Variants in FAT4 observed in about 807,000 individuals in gnomAD.
The protein encoded by FAT4 is FAT atypical cadherin 4.
FAT4 carries 84 observed loss-of-function variants against 303.9 expected under a neutral mutation model. That is an observed-to-expected ratio of 0.28 (90% CI 0.23 to 0.33). The LOEUF (loss-of-function observed/expected upper bound fraction) is 0.33, where lower values mean the gene tolerates loss of function less well. FAT4 is among the 10% of genes least tolerant of loss of function. The pLI is 1.00. For missense variants in FAT4, 6,005 were observed against 6,146.8 expected, an observed-to-expected ratio of 0.98 and a Z score of 0.77; for synonymous variants, 2,307 against 2,298.8, an observed-to-expected ratio of 1.00 and a Z score of -0.10.
At position 125,490,193 on chromosome 4, in the gene FAT4, C is replaced by T. The variant is rs992451913; in HGVS notation, c.13377C>T (p.His4459=). 1 of 1,614,006 alleles carries T rather than the reference C, an allele frequency of 6.2e-7. No individual in the cohort carries two copies. Among genetic ancestry groups the T allele is most frequent in the Non-Finnish European group, 8.5e-7 (1 of 1,180,044 alleles). The change falls in exon 18 of 18, where the codon CAC becomes CAT. Residue 4459 remains histidine, a synonymous_variant. Coordinates refer to ENST00000394329, the MANE Select transcript of FAT4 (RefSeq NM_001291303.3). Reference sequence around the variant, plus strand: ...TCACCTGTAGCTGCCCAGACTCGCACACGGGAAGGACCTGTGAGATGGTGG... The same window carrying T: ...TCACCTGTAGCTGCCCAGACTCGCATACGGGAAGGACCTGTGAGATGGTGG... The part of the protein sequence containing the change: ...SGFTCSCPDS[H]TGRTCEMVVA...
intron 9 of FAT4, among the ~76,000 whole-genome samples, chr4:125,447,408 A>G (rs1244809326): frequency 1.3e-5 from 2 of 152,116 alleles, no homozygotes; most frequent in Non-Finnish European, 2.9e-5. Flanking sequence ...AAAATATAGG[A>G]TTCATAAATT....
intron 2 of FAT4, among the ~76,000 whole-genome samples, chr4:125,394,772 A>G (rs1734103353): frequency 6.6e-6 from 1 of 152,190 alleles, no homozygotes. Flanking sequence ...AGAATCATCA[A>G]GATAAATAGT....
At chr4:125,489,870 T>TTTTG in intron 17 of FAT4, 31 bp from the exon 18 acceptor site, 2 of 1,185,626 alleles carry the variant, frequency 1.7e-6, no homozygotes, top group East Asian at 2.8e-5. Context: ...TTTTTTTTTG[T>TTTTG]AAAAAGCCTT....
In FAT4 at chr4:125,320,116, A is replaced by C; in HGVS notation, c.3705A>C (p.Ser1235=). 1 of 1,614,020 alleles carries C rather than the reference A, an allele frequency of 6.2e-7. No homozygotes were observed. The highest frequency in any genetic ancestry group is 1.1e-5 in the South Asian group (1 of 91,090). ...CACAAGTGTTAAGAGTATCTGCCTCAGATGTTGATGAAGGTAATAATGGAC... is the reference window on the plus strand; with the variant it reads ...CACAAGTGTTAAGAGTATCTGCCTCCGATGTTGATGAAGGTAATAATGGAC... The part of the protein sequence containing the change: ...NLTQVLRVSA[S]DVDEGNNGLI... The change falls in exon 2 of 18, where the codon TCA becomes TCC. Residue 1235 remains serine, a synonymous_variant. Transcript: ENST00000394329.
chr4:125,420,756 C>T (rs1037434970), intron 7 of FAT4, among the ~76,000 whole-genome samples: 3 of 152,172 alleles, frequency 2.0e-5, no homozygotes, highest in Non-Finnish European at 2.9e-5. Flanking sequence ...GAGCTATATT[C>T]TCATGACTTT....
In FAT4 at chr4:125,491,491, C is replaced by T; in HGVS notation, c.14675C>T (p.Pro4892Leu). 1 of 1,614,142 alleles carries T rather than the reference C, an allele frequency of 6.2e-7. No individual in the cohort carries two copies. The highest frequency in any genetic ancestry group is 8.5e-7 in the Non-Finnish European group (1 of 1,180,024). ...GATAATTATGGAGCCAGACTGAAGC[C>T]TCGAAGGTACCACGGTCGCAGGGCC... The part of the protein sequence containing the change: ...DEDNYGARLK[P>L]RRYHGRRAEG... The change falls in exon 18 of 18, where the codon CCT (proline) becomes CTT (leucine). Residue 4892 changes from proline (P) to leucine (L), a missense_variant. Coordinates refer to ENST00000394329, the MANE Select transcript of FAT4 (RefSeq NM_001291303.3).
intron 14 of FAT4, among the ~76,000 whole-genome samples, chr4:125,478,495 CTGTTAGACCTTA>C (rs1237620355): frequency 1.3e-5 from 2 of 151,898 alleles, no homozygotes; most frequent in African/African-American, 2.4e-5. Flanking sequence ...TCCTCTGTTT[CTGTTAGACCTTA>C]TGTCCAGAAT....
chr4:125,379,619 C>T lies in FAT4; in HGVS notation c.5176-19165C>T, dbSNP rs569902588. Among the ~76,000 whole-genome samples, 8 of 152,002 alleles carry T rather than the reference C, an allele frequency of 5.3e-5. No individual in the cohort carries two copies. In the South Asian group the frequency reaches 1.5e-3, roughly 28 times the overall value. On this transcript the variant is annotated intron_variant, in intron 2 of 17. Transcript: ENST00000394329. ...GGATTACAGGCTCATGCCACCATGT[C>T]CAGCTAATTTTTGTATTTTTAGTGG...
rs1726107648 is a variant in FAT4 at position 125,452,153 on chromosome 4, A to G, written c.11143A>G (p.Ile3715Val). 2 of 1,614,120 alleles carry G rather than the reference A, an allele frequency of 1.2e-6. No individual in the cohort carries two copies. Among genetic ancestry groups the G allele is most frequent in the Non-Finnish European group, 1.7e-6 (2 of 1,180,052 alleles). The change falls in exon 10 of 18, where the codon ATC becomes GTC. Residue 3715 changes from isoleucine to valine, a missense_variant. Physicochemically the swap from Ile to Val is conservative, Grantham distance 29. Transcript: ENST00000394329. The part of the protein sequence containing the change: ...GFSNATVDNS[I>V]LLRLGVPTVK... ...TTCCAATGCCACAGTGGATAACAGC[A>G]TCTTACTTCGTCTCGGCGTACCAAC...
chr4:125,387,560 G>A (rs1733802580), intron 2 of FAT4, among the ~76,000 whole-genome samples: 1 of 152,076 alleles, frequency 6.6e-6, no homozygotes. Context: ...GTTCCTCTTG[G>A]ATCATGTATT....
chr4:125,369,085 T>G (rs1261296501), intron 2 of FAT4, among the ~76,000 whole-genome samples: 1 of 152,212 alleles, frequency 6.6e-6, no homozygotes, highest in African/African-American at 2.4e-5. Context: ...CATCACCTTA[T>G]GTCACACAAA....
At chr4:125,409,998 A>T (rs1227486093) in intron 5 of FAT4, among the ~76,000 whole-genome samples, 1 of 151,932 alleles carries the variant, frequency 6.6e-6, no homozygotes, top group African/African-American at 2.4e-5. Context: ...AAATCTCAGA[A>T]TACTATTCTA....
chr4:125,436,857 T>A (rs895117871), intron 8 of FAT4, among the ~76,000 whole-genome samples: 1 of 151,958 alleles, frequency 6.6e-6, no homozygotes, highest in African/African-American at 2.4e-5. Context: ...TATTTATTTA[T>A]CTATGTATTT....
intron 2 of FAT4, among the ~76,000 whole-genome samples, chr4:125,395,513 T>C (rs1178905876): frequency 6.6e-6 from 1 of 152,116 alleles, no homozygotes; most frequent in African/African-American, 2.4e-5. Context: ...TTTTGCCATG[T>C]TGGCCAGGCT....
At chr4:125,330,056 A>G (rs1255460632) in intron 2 of FAT4, among the ~76,000 whole-genome samples, 2 of 151,984 alleles carry the variant, frequency 1.3e-5, no homozygotes, top group African/African-American at 4.8e-5. Flanking sequence ...CAGTGTTCCT[A>G]TTGTTCTCTT....
At chr4:125,455,449 G>T (rs1277226579) in intron 10 of FAT4, among the ~76,000 whole-genome samples, 1 of 152,092 alleles carries the variant, frequency 6.6e-6, no homozygotes, top group African/African-American at 2.4e-5. Flanking sequence ...CATTTATCAA[G>T]CAGTTATGTA....
chr4:125,444,862 T>C (rs1247713074), intron 8 of FAT4, among the ~76,000 whole-genome samples: 1 of 152,110 alleles, frequency 6.6e-6, no homozygotes, highest in Non-Finnish European at 1.5e-5. Flanking sequence ...AATTACACAA[T>C]TCTCAAATCC....
Position 125,491,100 on chromosome 4 carries a change from G to T in FAT4, c.14284G>T (p.Ala4762Ser), listed in dbSNP as rs975636461. The T allele has an allele frequency of 1.2e-6, 2 of 1,614,194 alleles. No homozygotes were observed. Among genetic ancestry groups the T allele is most frequent in the Non-Finnish European group, 1.7e-6 (2 of 1,180,040 alleles). Reference protein sequence around the residue: ...GRRSKSPQAMASHGSRPGSRL... With the variant: ...GRRSKSPQAMSSHGSRPGSRL... The stretch of plus-strand genomic sequence containing the variant: ...GAGAAGCAAGAGTCCTCAGGCCATG[G>T]CATCACATGGTTCTAGACCAGGGAG... The change falls in exon 18 of 18, where the codon GCA becomes TCA. Residue 4762 changes from alanine (A) to serine (S), a missense_variant. By Grantham distance (99) the Ala-to-Ser change is moderately conservative (BLOSUM62 1). Transcript: ENST00000394329.
rs2710588 is a variant in FAT4 at position 125,365,796 on chromosome 4, T to C, written c.5176-32988T>C. 9.3e-3 allele frequency among the ~76,000 whole-genome samples: 1,413 copies of C among 152,326 alleles called. 16 individuals carry two copies. Among genetic ancestry groups the C allele is most frequent in the African/African-American group, 0.033 (1,351 of 41,564 alleles). On this transcript the variant is annotated intron_variant, in intron 2 of 17. Coordinates refer to ENST00000394329, the MANE Select transcript of FAT4 (RefSeq NM_001291303.3). ...ACTAAATTAGAATTATCCTCCTTTA[T>C]AGATTTAACTTTTATTTTAAGTTCA...
Sources: allele counts gnomAD v4.1 joint callset (sites outside exome capture counted in the v4.1 genomes callset), GRCh38; gene constraint gnomAD v4.1.1; transcripts MANE v1.5; gene names NCBI Gene and HGNC (gene_info 2026-07-23, HGNC 2026-07-21).